Variants in ACYP2 observed in about 807,000 individuals in gnomAD.
The protein encoded by ACYP2 is acylphosphatase-2.
ACYP2 carries 12 observed loss-of-function variants against 11.2 expected under a neutral mutation model. That is an observed-to-expected ratio of 1.08 (90% CI 0.69 to 1.74). ACYP2 has a LOEUF of 1.74. ACYP2 is among the 40% of genes most tolerant of loss of function. The probability of loss-of-function intolerance (pLI) is 0.00; values close to 1 mark genes in which losing one functional copy is unlikely to be tolerated. For synonymous variants in ACYP2, 43 were observed against 32.2 expected (o/e 1.33, Z -1.13); for missense variants, 134 against 101.9 (o/e 1.31, Z -1.35).
intron 2 of ACYP2, among the ~76,000 whole-genome samples, chr2:54,006,849 G>A (rs1354243946): frequency 6.6e-6 from 1 of 152,054 alleles, no homozygotes; most frequent in African/African-American, 2.4e-5. Context: ...ATTTGGCTGG[G>A]TGTGGTGGCT....
intron 2 of ACYP2, among the ~76,000 whole-genome samples, chr2:54,046,895 C>A (rs1214053650): frequency 6.6e-6 from 1 of 152,156 alleles, no homozygotes; most frequent in Non-Finnish European, 1.5e-5. Flanking sequence ...GGTTCAAATC[C>A]AAGTTCTACC....
intron 6 of ACYP2, among the ~76,000 whole-genome samples, chr2:54,219,901 ATATATTT>A (rs1479310404): frequency 4.6e-5 from 5 of 107,948 alleles, no homozygotes; most frequent in African/African-American, 1.7e-4. Context: ...ATATATATAT[ATATATTT>A]TTTTTTTTTT....
rs1271974188 is a variant in ACYP2, at chr2:54,256,044, C to T, written c.405-48644C>T. On this transcript the variant is annotated intron_variant, in intron 6 of 6. Transcript: ENST00000607452. ...CCAAGCGGCCATCAAACATATCTGC[C>T]ATTACCTCTGTCGCCTTGCTCTTTT... is the stretch of plus-strand genomic sequence containing the variant. The T allele has an allele frequency of 9.3e-6, 15 of 1,614,066 alleles. No individual in the cohort carries two copies. Among genetic ancestry groups the T allele is most frequent in the African/African-American group, 2.7e-5 (2 of 74,918 alleles).
chr2:54,276,002 G>A (rs1164505782), intron 6 of ACYP2, among the ~76,000 whole-genome samples: 1 of 152,038 alleles, frequency 6.6e-6, no homozygotes, highest in Admixed American at 6.5e-5. Flanking sequence ...AAAAAAAGTT[G>A]AAACTAGAAC....
chr2:54,183,544 A>T (rs1683837293), intron 6 of ACYP2, among the ~76,000 whole-genome samples: 1 of 152,024 alleles, frequency 6.6e-6, no homozygotes, highest in Non-Finnish European at 1.5e-5. Context: ...AAAAAAAAAG[A>T]AAAAAAGATT....
intron 6 of ACYP2, among the ~76,000 whole-genome samples, chr2:54,153,205 C>A (rs1466174159): frequency 2.6e-5 from 4 of 151,694 alleles, no homozygotes. Flanking sequence ...TCCAGTTTTC[C>A]CATTATTCTT....
intron 6 of ACYP2, among the ~76,000 whole-genome samples, chr2:54,230,331 C>T (rs542199296): frequency 6.6e-6 from 1 of 152,242 alleles, no homozygotes; most frequent in South Asian, 2.1e-4. Flanking sequence ...AAGTTGGTCT[C>T]CACAATCCTT....
chr2:53,993,183 G>T (rs1035316886), intron 2 of ACYP2, among the ~76,000 whole-genome samples: 3 of 152,172 alleles, frequency 2.0e-5, no homozygotes, highest in African/African-American at 7.2e-5. Flanking sequence ...TTCAGCATGG[G>T]CGACAGAGGT....
chr2:54,146,189 A>G (rs2103799814), intron 6 of ACYP2, among the ~76,000 whole-genome samples: 1 of 152,294 alleles, frequency 6.6e-6, no homozygotes, highest in South Asian at 2.1e-4. Context: ...CATAACTTAC[A>G]GTGTTGCTGT....
intron 4 of ACYP2, among the ~76,000 whole-genome samples, chr2:54,116,048 G>T (rs977596881): frequency 2.6e-5 from 4 of 152,136 alleles, no homozygotes; most frequent in African/African-American, 9.7e-5. Context: ...TAAGCGGCAC[G>T]GGGGAATGTT....
At chr2:54,178,087 C>G (rs547935652) in intron 6 of ACYP2, among the ~76,000 whole-genome samples, 1 of 147,426 alleles carries the variant, frequency 6.8e-6, no homozygotes, top group African/African-American at 2.5e-5. Flanking sequence ...TATATTTTTG[C>G]TAGAGACATG....
intron 2 of ACYP2, among the ~76,000 whole-genome samples, chr2:53,976,454 G>A (rs576368806): frequency 2.8e-4 from 43 of 152,138 alleles, no homozygotes; most frequent in South Asian, 4.1e-4. Context: ...CAATCTGCCC[G>A]CCTCAGCCTC....
At chr2:54,052,090 G>T (rs1490443904) in intron 3 of ACYP2, among the ~76,000 whole-genome samples, 2 of 129,928 alleles carry the variant, frequency 1.5e-5, no homozygotes, top group African/African-American at 5.6e-5. Context: ...ATAGAGGGAA[G>T]AGGAGGAAGA....
chr2:53,975,183 C>G (rs1671409012), intron 2 of ACYP2: 1 of 393,896 alleles, frequency 2.5e-6, no homozygotes, highest in Admixed American at 4.5e-5. Context: ...TGAGATCACA[C>G]CACTGCATTC....
At chr2:54,254,776 T>G in intron 6 of ACYP2, 1 of 768,072 alleles carries the variant, frequency 1.3e-6, no homozygotes, top group Non-Finnish European at 2.0e-6. Flanking sequence ...AATCTTCAGG[T>G]TGAGAGAACG....
intron 6 of ACYP2, among the ~76,000 whole-genome samples, chr2:54,152,283 A>T (rs1682216478): frequency 6.6e-6 from 1 of 151,662 alleles, no homozygotes; most frequent in African/African-American, 2.4e-5. Flanking sequence ...TGCTCAGCTA[A>T]TTTTTTTATT....
chr2:54,083,607 C>A (rs1327111618), intron 4 of ACYP2, among the ~76,000 whole-genome samples: 1 of 152,096 alleles, frequency 6.6e-6, no homozygotes, highest in Non-Finnish European at 1.5e-5. Flanking sequence ...GAACCAAACA[C>A]ATGTGATGGA....
intron 2 of ACYP2, among the ~76,000 whole-genome samples, chr2:53,990,661 A>G (rs576536984): frequency 6.6e-6 from 1 of 151,454 alleles, no homozygotes; most frequent in Non-Finnish European, 1.5e-5. Flanking sequence ...CCAAAAAAAA[A>G]AAAAAAGAAA....
rs1393656064 is a variant in ACYP2 at position 54,255,595 on chromosome 2, TC to T, written c.405-49090del. On this transcript the variant is annotated intron_variant, in intron 6 of 6. Transcript: ENST00000607452. ...CCCGGGCCCGGGCCCAGGCCCTGCCTCCCTGTTTACCTCATCTATTGCTCTG... is the reference window on the plus strand; with the variant it reads ...CCCGGGCCCGGGCCCAGGCCCTGCCTCCTGTTTACCTCATCTATTGCTCTG... 4.3e-6 allele frequency: 7 copies of T among 1,612,978 alleles called. No individual in the cohort carries two copies. The African/African-American group carries it at 9.4e-5, about 22-fold the overall frequency.
Sources: gnomAD v4.1 joint callset for allele counts (sites outside exome capture counted in the v4.1 genomes callset) on GRCh38, gnomAD v4.1.1 for gene constraint, MANE v1.5 for transcripts, NCBI Gene and HGNC (gene_info 2026-07-23, HGNC 2026-07-21) for gene names.